ZNF273: variants seen among roughly 807,000 people sequenced by gnomAD.
ZNF273 encodes the protein zinc finger protein 273.
In ZNF273, 11 loss-of-function variants were observed where a neutral mutation model predicts 14.9. The observed-to-expected ratio is 0.74, with a 90% CI of 0.46 to 1.22. The LOEUF (loss-of-function observed/expected upper bound fraction) is 1.22. Ranked by LOEUF, ZNF273 falls within the 50% of genes most tolerant of loss-of-function variation. The pLI, the probability that ZNF273 is intolerant of heterozygous loss-of-function variation, is 0.00. For synonymous variants in ZNF273, 199 were observed against 223.9 expected (o/e 0.89, Z 0.99); for missense variants, 577 against 660.6 (o/e 0.87, Z 1.39).
chr7:64,886,953 C>A (rs972279742), intron 1 of ZNF273, among the ~76,000 whole-genome samples: 3 of 152,198 alleles, frequency 2.0e-5, no homozygotes. Flanking sequence ...CCTTGGCCTG[C>A]ACACATTATG....
In ZNF273 at chr7:64,919,503, G is replaced by A. The variant is rs964007396; in HGVS notation, c.325+1211G>A. On this transcript the variant is annotated intron_variant, in intron 3 of 3. Transcript: ENST00000476120. ...TAAAAATACAAAAAATAAGCTGGAC[G>A]TGGTGGTGTACGCCAGCTACTTGGG... Among the ~76,000 whole-genome samples the A allele has an allele frequency of 8.6e-5, 13 of 151,996 alleles. No individual in the cohort carries two copies. In the East Asian group the frequency reaches 2.3e-3, roughly 27 times the overall value.
At chr7:64,917,544 G>C (rs769566150) in intron 1 of ZNF273, 37 bp from the exon 2 acceptor site, 2 of 1,575,040 alleles carry the variant, frequency 1.3e-6, no homozygotes, top group Non-Finnish European at 1.7e-6. Flanking sequence ...TCCAGAGCAA[G>C]TTGGTAAATA....
chr7:64,926,440 C>T (rs1794768746), intron 3 of ZNF273, among the ~76,000 whole-genome samples: 1 of 151,948 alleles, frequency 6.6e-6, no homozygotes, highest in African/African-American at 2.4e-5. Context: ...TTTACCTTAA[C>T]AATTTGTTTT....
At chr7:64,894,091 G>T (rs552014913), downstream of ZNF273, among the ~76,000 whole-genome samples, 2 of 152,194 alleles carry the variant, frequency 1.3e-5, no homozygotes, top group East Asian at 3.9e-4. Context: ...TGCAACCTCC[G>T]TCTCCCGGGT....
intron 1 of ZNF273, among the ~76,000 whole-genome samples, chr7:64,878,050 G>C (rs190345483): frequency 6.6e-6 from 1 of 152,238 alleles, no homozygotes; most frequent in Non-Finnish European, 1.5e-5. Context: ...GTTTCTGTGG[G>C]TGCGTTTAAG....
At chr7:64,912,015 C>T (rs1793550174) in intron 1 of ZNF273, among the ~76,000 whole-genome samples, 1 of 152,126 alleles carries the variant, frequency 6.6e-6, no homozygotes, top group African/African-American at 2.4e-5. Context: ...GGTTAAGTTC[C>T]ACGTAATTGT....
downstream of ZNF273, among the ~76,000 whole-genome samples, chr7:64,880,718 A>G (rs1049303213): frequency 6.6e-6 from 1 of 152,010 alleles, no homozygotes; most frequent in African/African-American, 2.4e-5. Flanking sequence ...CGGGCCCCAA[A>G]TTATATCCCC....
chr7:64,880,463 C>A (rs1213709420), downstream of ZNF273, among the ~76,000 whole-genome samples: 1 of 151,908 alleles, frequency 6.6e-6, no homozygotes, highest in Non-Finnish European at 1.5e-5. Flanking sequence ...GGTGTTTCTG[C>A]GGGAGTGTTG....
At position 64,927,846 on chromosome 7, in the gene ZNF273, C is replaced by T. The variant is rs1165791655; in HGVS notation, c.518C>T (p.Thr173Ile). 4.3e-6 allele frequency: 7 copies of T among 1,613,972 alleles called. No individual in the cohort carries two copies. Among genetic ancestry groups the T allele is most frequent in the Non-Finnish European group, 5.9e-6 (7 of 1,179,946 alleles). ...YNGLNQCLTT[T>I]QSKIFQCDKY... is the part of the protein sequence containing the mutation. ...GGACTTAACCAATGTTTGACAACTA[C>T]CCAGAGCAAAATATTTCAATGTGAT... Residue 173 changes from threonine to isoleucine, a missense_variant, in exon 4 of 4, where the codon ACC (threonine) becomes ATC (isoleucine). Thr to Ile is a moderately conservative substitution (Grantham distance 89). Around this residue, in one of 3 missense-constraint regions of ZNF273, gnomAD observed 162 missense variants for 203.5 expected, o/e 0.80. Coordinates refer to ENST00000476120, the MANE Select transcript of ZNF273 (RefSeq NM_021148.3).
exon 2 of ZNF273, chr7:64,888,746 C>G: frequency 1.0e-6 from 1 of 985,836 alleles, no homozygotes; most frequent in Non-Finnish European, 1.2e-6. Flanking sequence ...ACACCCAGCC[C>G]CGCAGAGCCG....
At chr7:64,913,200 C>T (rs1269449221) in intron 1 of ZNF273, among the ~76,000 whole-genome samples, 1 of 152,124 alleles carries the variant, frequency 6.6e-6, no homozygotes, top group Non-Finnish European at 1.5e-5. Flanking sequence ...TAAATATAAA[C>T]ACAATAAAAA....
At chr7:64,924,081 A>G (rs921225815) in intron 3 of ZNF273, 2 of 151,394 alleles carry the variant, frequency 1.3e-5, no homozygotes, top group African/African-American at 4.9e-5. Flanking sequence ...CAATATTTCA[A>G]CTTTTGAACA....
chr7:64,878,201 T>C (rs1351744375), intron 1 of ZNF273, among the ~76,000 whole-genome samples: 1 of 151,322 alleles, frequency 6.6e-6, no homozygotes, highest in Non-Finnish European at 1.5e-5. Flanking sequence ...CCGTGTTTCC[T>C]GAAACTGTGG....
At chr7:64,909,151 A>G (rs62455120) in intron 1 of ZNF273, among the ~76,000 whole-genome samples, 5,922 of 151,954 alleles carry the variant, frequency 0.039, 180 homozygotes, top group East Asian at 0.15. Flanking sequence ...TGCTGAGCTC[A>G]GGCAATCCAA....
At chr7:64,901,066 C>T (rs534411774), upstream of ZNF273, among the ~76,000 whole-genome samples, 4 of 151,772 alleles carry the variant, frequency 2.6e-5, no homozygotes, top group South Asian at 8.3e-4. Flanking sequence ...GCAGTGGCTC[C>T]ATCTCGGCTC....
upstream of ZNF273, among the ~76,000 whole-genome samples, chr7:64,898,926 C>T (rs933848704): frequency 6.6e-6 from 1 of 151,890 alleles, no homozygotes; most frequent in Non-Finnish European, 1.5e-5. Flanking sequence ...AAGTTTTCTA[C>T]AATTATTTGC....
chr7:64,918,401 G>A (rs192723072), intron 3 of ZNF273, 109 bp downstream of exon 3: 33 of 1,125,576 alleles, frequency 2.9e-5, no homozygotes, highest in African/African-American at 9.9e-5. Flanking sequence ...GGTGGCTCAC[G>A]TCTGTAATCC....
intron 3 of ZNF273, among the ~76,000 whole-genome samples, chr7:64,921,604 G>GTTTTTTTTTTTT (rs1562963033): frequency 1.8e-5 from 1 of 54,100 alleles, no homozygotes; most frequent in African/African-American, 6.3e-5. Flanking sequence ...TCATGCTAAT[G>GTTTTTTTTTTTT]CTTTTTTTTT....
downstream of ZNF273, among the ~76,000 whole-genome samples, chr7:64,894,469 G>T (rs899046720): frequency 7.9e-5 from 12 of 152,068 alleles, no homozygotes; most frequent in African/African-American, 2.7e-4. Context: ...TTCAGGAAAT[G>T]ATGTATATAA....
Sources: allele counts gnomAD v4.1 joint callset (sites outside exome capture counted in the v4.1 genomes callset), GRCh38; gene constraint gnomAD v4.1.1; regional missense constraint gnomAD v4.1.1; transcripts MANE v1.5; gene names NCBI Gene and HGNC (gene_info 2026-07-23, HGNC 2026-07-21).